SLC9C1: variants seen among roughly 807,000 people sequenced by gnomAD.
The protein encoded by SLC9C1 is sodium/hydrogen exchanger 10.
Under a neutral mutation model 140.9 loss-of-function variants are expected in SLC9C1, and 97 were observed. The observed-to-expected ratio is 0.69, with a 90% confidence interval of 0.58 to 0.82. SLC9C1 has a LOEUF of 0.82. Among genes scored for constraint, SLC9C1 ranks in the 40% least tolerant of loss-of-function variants. The pLI is 0.00. For synonymous variants in SLC9C1, 440 were observed against 442.6 expected, an observed-to-expected ratio of 0.99 and a Z score of 0.07; for missense variants, 1,340 against 1,389.3, an observed-to-expected ratio of 0.96 and a Z score of 0.56.
chr3:112,150,832 ATATATATATTTT>A (rs2074948865), intron 28 of SLC9C1, among the ~76,000 whole-genome samples: 4 of 36,922 alleles, frequency 1.1e-4, no homozygotes, highest in African/African-American at 3.4e-4. Flanking sequence ...ATATATATAT[ATATATATATTTT>A]TTTTTTTTTT....
intron 12 of SLC9C1, among the ~76,000 whole-genome samples, chr3:112,233,250 T>C (rs2078882844): frequency 1.3e-5 from 2 of 151,800 alleles, no homozygotes; most frequent in Non-Finnish European, 2.9e-5. Flanking sequence ...GTATATTTTA[T>C]AGACACATGG....
rs190160667 is a variant in SLC9C1 at position 112,249,725 on chromosome 3, C to T, written c.1198-5649G>A. 2.1e-3 allele frequency among the ~76,000 whole-genome samples: 320 copies of T among 152,078 alleles called. 8 individuals are homozygous for T. The highest frequency in any genetic ancestry group is 5.4e-4 in the Non-Finnish European group (37 of 67,968). On this transcript the variant is annotated intron_variant, in intron 10 of 28. Coordinates refer to ENST00000305815, the MANE Select transcript of SLC9C1 (RefSeq NM_183061.3). ...TCTTGTAGGTTTTCTAGTTTGTGTG[C>T]AGAGGTGTTCACAGCATTTTCTGAG...
intron 11 of SLC9C1, among the ~76,000 whole-genome samples, chr3:112,242,005 A>G (rs2079150299): frequency 6.6e-6 from 1 of 152,176 alleles, no homozygotes; most frequent in Admixed American, 6.5e-5. Context: ...CTAGAAGAAA[A>G]CCCAGGAAAT....
At chr3:112,291,020 T>G (rs1215024712) in intron 1 of SLC9C1, among the ~76,000 whole-genome samples, 1 of 152,188 alleles carries the variant, frequency 6.6e-6, no homozygotes, top group Admixed American at 6.5e-5. Flanking sequence ...TGCCTTTTAA[T>G]TGGGGCAGTT....
rs781706858 is a variant in SLC9C1, at chr3:112,277,769, G to T, written c.410C>A (p.Thr137Asn). The part of the protein sequence containing the change: ...ASVNQLLLKP[T>N]QWLLFSAILV... Reference sequence around the variant, plus strand: ...GATAGCTGAAAATAATAACCATTGGGTAGGCTTCAAAAGTAATTGATTTAC... The same window carrying T: ...GATAGCTGAAAATAATAACCATTGGTTAGGCTTCAAAAGTAATTGATTTAC... Residue 137 changes from threonine to asparagine, a missense_variant, in exon 5 of 29, where the codon ACC (threonine) becomes AAC (asparagine). Physicochemically the swap from Thr to Asn is moderately conservative, Grantham distance 65. Transcript: ENST00000305815. 6.2e-7 allele frequency: 1 copy of T among 1,612,594 alleles called. No individual in the cohort carries two copies. The highest frequency in any genetic ancestry group is 8.5e-7 in the Non-Finnish European group (1 of 1,179,222).
intron 23 of SLC9C1, among the ~76,000 whole-genome samples, chr3:112,177,593 G>A (rs902087154): frequency 3.3e-5 from 5 of 149,622 alleles, no homozygotes; most frequent in African/African-American, 4.9e-5. Flanking sequence ...GCAGAGGATC[G>A]GGGTGAATGT....
At chr3:112,194,953 T>A (rs970718628) in intron 20 of SLC9C1, among the ~76,000 whole-genome samples, 6 of 152,200 alleles carry the variant, frequency 3.9e-5, no homozygotes, top group Non-Finnish European at 7.4e-5. Context: ...TGGAGAAATT[T>A]CTATTCAAAT....
At position 112,182,165 on chromosome 3, in the gene SLC9C1, C is replaced by A; in HGVS notation, c.2617G>T (p.Asp873Tyr). The A allele has an allele frequency of 6.3e-7, 1 of 1,575,642 alleles. No individual in the cohort carries two copies. The highest frequency in any genetic ancestry group is 8.6e-7 in the Non-Finnish European group (1 of 1,162,698). ...EEVLYHIPWLDKNKDYINFIQ... is the reference protein window; with the variant it reads ...EEVLYHIPWLYKNKDYINFIQ... ...AAGTTTATATAATCTTTGTTTTTAT[C>A]TAGCCACGGAATATGATATAGAACT... Residue 873 changes from aspartate (D) to tyrosine (Y), a missense_variant, in exon 21 of 29, where the codon GAT becomes TAT. Physicochemically the swap from Asp to Tyr is radical, Grantham distance 160. Coordinates refer to ENST00000305815, the MANE Select transcript of SLC9C1 (RefSeq NM_183061.3).
intron 10 of SLC9C1, among the ~76,000 whole-genome samples, chr3:112,255,420 G>T (rs187098879): frequency 2.6e-5 from 4 of 151,876 alleles, no homozygotes; most frequent in Admixed American, 1.3e-4. Context: ...AGAAATTAAG[G>T]CTAAAAAACT....
At chr3:112,245,903 A>G (rs1156496339) in intron 10 of SLC9C1, among the ~76,000 whole-genome samples, 1 of 152,116 alleles carries the variant, frequency 6.6e-6, no homozygotes, top group Non-Finnish European at 1.5e-5. Context: ...ATATTTTGGA[A>G]AGAAGCCTCT....
intron 28 of SLC9C1, 152 bp downstream of exon 28, chr3:112,151,705 A>T: frequency 1.5e-6 from 1 of 666,218 alleles, no homozygotes; most frequent in Non-Finnish European, 2.7e-6. Context: ...CTAAATTACA[A>T]CTTAGAAACA....
intron 16 of SLC9C1, among the ~76,000 whole-genome samples, chr3:112,207,638 C>G (rs903431744): frequency 6.6e-6 from 1 of 151,996 alleles, no homozygotes; most frequent in African/African-American, 2.4e-5. Context: ...CTATGTTTTC[C>G]CTTGTTCTTG....
chr3:112,147,697 G>A (rs1602670), intron 28 of SLC9C1, among the ~76,000 whole-genome samples: 69,946 of 151,798 alleles, frequency 0.46, 16,532 homozygotes, highest in East Asian at 0.64. Context: ...ACCCTATTTC[G>A]CTGACTTTAA....
chr3:112,199,736 A>G (rs1024835983), intron 19 of SLC9C1, among the ~76,000 whole-genome samples: 6 of 152,136 alleles, frequency 3.9e-5, no homozygotes, highest in Admixed American at 2.6e-4. Context: ...TAACAGGTAT[A>G]CTTTTCTACC....
chr3:112,159,055 T>C (rs1223386629), intron 26 of SLC9C1, among the ~76,000 whole-genome samples: 2 of 151,900 alleles, frequency 1.3e-5, no homozygotes, highest in Admixed American at 6.6e-5. Flanking sequence ...GTTTGGTTTG[T>C]TCTTGCTTTC....
chr3:112,182,408 T>C (rs1352818032), intron 20 of SLC9C1, 150 bp from the exon 21 acceptor site: 16 of 817,544 alleles, frequency 2.0e-5, no homozygotes, highest in South Asian at 3.2e-5. Context: ...ATATCATGAT[T>C]CTTTTTGTAT....
chr3:112,254,649 C>T (rs1294267253), intron 10 of SLC9C1, among the ~76,000 whole-genome samples: 1 of 151,996 alleles, frequency 6.6e-6, no homozygotes, highest in Admixed American at 6.6e-5. Flanking sequence ...CACATAAATA[C>T]ATAGACTAGT....
intron 28 of SLC9C1, among the ~76,000 whole-genome samples, chr3:112,146,776 T>C (rs1441692770): frequency 6.6e-6 from 1 of 152,204 alleles, no homozygotes; most frequent in Non-Finnish European, 1.5e-5. Flanking sequence ...GAGAATAATA[T>C]ACATTGTGGT....
At chr3:112,235,875 A>G (rs1392709428) in intron 12 of SLC9C1, among the ~76,000 whole-genome samples, 1 of 152,124 alleles carries the variant, frequency 6.6e-6, no homozygotes, top group East Asian at 1.9e-4. Flanking sequence ...GTTTGCCAGT[A>G]TTTTATTGAG....
Sources: allele counts gnomAD v4.1 joint callset (sites outside exome capture counted in the v4.1 genomes callset), GRCh38; gene constraint gnomAD v4.1.1; transcripts MANE v1.5; gene names NCBI Gene and HGNC (gene_info 2026-07-23, HGNC 2026-07-21).